WNT3: variants seen among roughly 807,000 people sequenced by gnomAD.
The protein encoded by WNT3 is Wnt family member 3, also known as proto-oncogene Wnt-3.
In WNT3, 7 loss-of-function variants were observed where a neutral mutation model predicts 34.2. The ratio of observed to expected loss-of-function variants is 0.20; its 90% CI spans 0.12 to 0.38. The LOEUF is 0.38. WNT3 is among the 10% of genes least tolerant of loss of function. The pLI, the probability that WNT3 is intolerant of heterozygous loss-of-function variation, is 1.00. For missense variants in WNT3, 267 were observed against 499.8 expected, an observed-to-expected ratio of 0.53 and a Z score of 4.44; for synonymous variants, 212 against 211.5, an observed-to-expected ratio of 1.00 and a Z score of -0.02.
At chr17:46,786,514 A>G (rs960584054) in intron 1 of WNT3, among the ~76,000 whole-genome samples, 2 of 152,264 alleles carry the variant, frequency 1.3e-5, no homozygotes, top group African/African-American at 4.8e-5. Context: ...AGAGGCACCA[A>G]GCCCACAGGT....
intron 1 of WNT3, among the ~76,000 whole-genome samples, chr17:46,795,879 C>T (rs2084046690): frequency 6.6e-6 from 1 of 152,236 alleles, no homozygotes; most frequent in Admixed American, 6.5e-5. Context: ...CCCTCTCTCT[C>T]TCACACACAC....
rs2059437563 is a variant in WNT3 at position 46,779,097 on chromosome 17, ACACACAC to A, written c.81-5195_81-5189del. 2.3e-5 allele frequency among the ~76,000 whole-genome samples: 3 copies of A among 131,268 alleles called. 1 individual carries two copies. Among genetic ancestry groups the A allele is most frequent in the Admixed American group, 1.6e-4 (2 of 12,560 alleles). 86.1% of individuals were successfully genotyped at this position (131,268 alleles called of 152,430 possible). A position where few individuals can be genotyped will look rare whatever the true frequency, so the allele number is the denominator to read the frequency against. On this transcript the variant is annotated intron_variant, in intron 1 of 4. Coordinates refer to ENST00000225512, the MANE Select transcript of WNT3 (RefSeq NM_030753.5). ...CACACACACACACACACACACACAC[ACACACAC>A]CCCAGCCCACTCGGCCTTCCAAAGG...
At chr17:46,816,977 G>A (rs1020008387) in intron 1 of WNT3, among the ~76,000 whole-genome samples, 8 of 152,182 alleles carry the variant, frequency 5.3e-5, no homozygotes, top group African/African-American at 1.4e-4. Flanking sequence ...GCCACCCCAT[G>A]GACTTCTTTA....
intron 1 of WNT3, among the ~76,000 whole-genome samples, chr17:46,779,367 G>C (rs2059441460): frequency 6.6e-6 from 1 of 152,198 alleles, no homozygotes; most frequent in African/African-American, 2.4e-5. Flanking sequence ...GAGGGGGAGG[G>C]CGGAGGACCC....
chr17:46,817,014 G>GC (rs1010926179), intron 1 of WNT3, among the ~76,000 whole-genome samples: 7 of 152,166 alleles, frequency 4.6e-5, no homozygotes, highest in Non-Finnish European at 7.3e-5. Context: ...GGTTAGCCCA[G>GC]CCCCCCGGAA....
chr17:46,778,696 T>C (rs1343523250), intron 1 of WNT3, among the ~76,000 whole-genome samples: 1 of 152,212 alleles, frequency 6.6e-6, no homozygotes, highest in East Asian at 1.9e-4. Context: ...TGCGTGGCTT[T>C]GACGGATTTG....
intron 2 of WNT3, among the ~76,000 whole-genome samples, chr17:46,773,146 C>T (rs1339295155): frequency 6.6e-6 from 1 of 152,134 alleles, no homozygotes; most frequent in East Asian, 1.9e-4. Flanking sequence ...TACCCAGAGG[C>T]CAGTGCACCC....
chr17:46,796,410 C>T (rs1444092798), intron 1 of WNT3, among the ~76,000 whole-genome samples: 1 of 152,158 alleles, frequency 6.6e-6, no homozygotes, highest in East Asian at 1.9e-4. Flanking sequence ...TTATCATCAC[C>T]CCTATCTCAG....
chr17:46,768,920 G>C lies in WNT3; in HGVS notation c.589-121C>G, dbSNP rs1472089256. ...AGCCTTCTCTACTCCTCTGTGACAG[G>C]AAGAGAACTGATGGGGACTGAGGCA... On this transcript the variant is annotated intron_variant, in intron 3 of 4. Coordinates refer to ENST00000225512, the MANE Select transcript of WNT3 (RefSeq NM_030753.5). This position sits in a 1 kb window ranked among gnomAD's most constrained non-coding sequence, Gnocchi z 5.0. 7.0e-7 allele frequency: 1 copy of C among 1,433,800 alleles called. No individual in the cohort carries two copies. Among genetic ancestry groups the C allele is most frequent in the Non-Finnish European group, 9.3e-7 (1 of 1,073,536 alleles). 88.8% of individuals were successfully genotyped at this position (1,433,800 alleles called of 1,614,324 possible).
chr17:46,785,321 T>G (rs1278970526), intron 1 of WNT3, among the ~76,000 whole-genome samples: 1 of 152,200 alleles, frequency 6.6e-6, no homozygotes, highest in Non-Finnish European at 1.5e-5. Context: ...TCACCCTGCA[T>G]TGTGTCACTA....
chr17:46,771,736 C>A (rs1363536962), intron 2 of WNT3, among the ~76,000 whole-genome samples: 2 of 129,270 alleles, frequency 1.5e-5, no homozygotes, highest in Non-Finnish European at 3.4e-5. Context: ...CCGCGAAATC[C>A]CCATTGAAGC....
At chr17:46,779,760 CT>C (rs139495016) in intron 1 of WNT3, among the ~76,000 whole-genome samples, 127,653 of 151,856 alleles carry the variant, frequency 0.84, 53,953 homozygotes, top group East Asian at 1. Context: ...CAGAGAGGAC[CT>C]TTTTTTTTCT....
At chr17:46,817,613 AG>A (rs2084369810) in intron 1 of WNT3, among the ~76,000 whole-genome samples, 1 of 151,088 alleles carries the variant, frequency 6.6e-6, no homozygotes, top group Non-Finnish European at 1.5e-5. Context: ...TTCCTCACCC[AG>A]GCCCCCCAGA....
intron 1 of WNT3, among the ~76,000 whole-genome samples, chr17:46,784,607 C>T (rs1450300910): frequency 1.3e-5 from 2 of 152,090 alleles, no homozygotes; most frequent in Non-Finnish European, 2.9e-5. Flanking sequence ...GAAAGGTGGG[C>T]TCTCCCGAAA....
chr17:46,793,095 T>C (rs2084007645), intron 1 of WNT3, among the ~76,000 whole-genome samples: 1 of 97,464 alleles, frequency 1.0e-5, no homozygotes, highest in African/African-American at 4.0e-5. Context: ...CAAGACCTTG[T>C]TTCTACTAAA....
chr17:46,770,967 C>G (rs773792102), intron 2 of WNT3, among the ~76,000 whole-genome samples: 14 of 152,394 alleles, frequency 9.2e-5, no homozygotes, highest in Non-Finnish European at 1.3e-4. Flanking sequence ...GACTCGCCAC[C>G]TGACACAGGC....
chr17:46,798,424 T>C (rs759742818), intron 1 of WNT3, among the ~76,000 whole-genome samples: 2 of 152,234 alleles, frequency 1.3e-5, no homozygotes, highest in Non-Finnish European at 2.9e-5. Context: ...ATTGTTCTCT[T>C]GTATATGTCA....
At chr17:46,780,957 C>T (rs987479668) in intron 1 of WNT3, among the ~76,000 whole-genome samples, 3 of 151,802 alleles carry the variant, frequency 2.0e-5, no homozygotes, top group African/African-American at 4.8e-5. Context: ...AGGAAGGAAG[C>T]GGGTGTGGTG....
chr17:46,776,790 T>C (rs1306159716), intron 1 of WNT3, among the ~76,000 whole-genome samples: 1 of 152,014 alleles, frequency 6.6e-6, no homozygotes, highest in African/African-American at 2.4e-5. Flanking sequence ...CCTCTGGTGT[T>C]TGGGACCCAG....
Sources: gnomAD v4.1 joint callset for allele counts (sites outside exome capture counted in the v4.1 genomes callset) on GRCh38, gnomAD v4.1.1 for gene constraint, Gnocchi (gnomAD v3.1) non-coding constraint, MANE v1.5 for transcripts, NCBI Gene and HGNC (gene_info 2026-07-23, HGNC 2026-07-21) for gene names.